The following STAT6 variants were observed in gnomAD, a reference collection of about 807,000 sequenced individuals.
STAT6 encodes signal transducer and activator of transcription 6, also known as STAT, interleukin4-induced.
In STAT6, 45 loss-of-function variants were observed where a neutral mutation model predicts 106.3. The ratio of observed to expected loss-of-function variants is 0.42; its 90% CI spans 0.33 to 0.54. STAT6 has a LOEUF of 0.54. Among genes scored for constraint, STAT6 ranks in the 20% least tolerant of loss-of-function variants. The pLI, the probability that STAT6 is intolerant of heterozygous loss-of-function variation, is 0.06. For synonymous variants in STAT6, 413 were observed against 413.6 expected (o/e 1.00, Z 0.02); for missense variants, 797 against 1,062.2 (o/e 0.75, Z 3.47).
At position 57,107,260 on chromosome 12, in the gene STAT6, G is replaced by T. The variant is rs143832217; in HGVS notation, c.310C>A (p.Gln104Lys). The T allele has an allele frequency of 3.3e-5, 53 of 1,614,042 alleles. No homozygotes were observed. Among genetic ancestry groups the T allele is most frequent in the Non-Finnish European group, 4.4e-5 (52 of 1,180,028 alleles). Residue 104 changes from glutamine (Q) to lysine (K), a missense_variant, in exon 4 of 22, where the codon CAA (glutamine) becomes AAA (lysine). Coordinates refer to ENST00000300134, the MANE Select transcript of STAT6 (RefSeq NM_003153.5). ...TCCATAACAGCTTTTTTCTCTCCTT[G>T]AAGTATTTGTCTGAAAGTGGCCACC... The part of the protein sequence containing the change: ...KLVATFRQIL[Q>K]GEKKAVMEQF...
intron 13 of STAT6, among the ~76,000 whole-genome samples, chr12:57,100,500 C>T (rs542452454): frequency 1.2e-4 from 18 of 152,136 alleles, no homozygotes; most frequent in South Asian, 8.3e-4. Flanking sequence ...GCAGAGGTGA[C>T]GCCCAAAGGA....
At chr12:57,108,083 G>C (rs2034383179) in intron 2 of STAT6, 80 bp downstream of exon 2, 1 of 928,492 alleles carries the variant, frequency 1.1e-6, no homozygotes, top group Non-Finnish European at 1.7e-6. Context: ...GAATCCATGG[G>C]TGAGGGGAGA....
chr12:57,110,128 G>A (rs1456040492), intron 1 of STAT6: 1 of 152,226 alleles, frequency 6.6e-6, no homozygotes, highest in Non-Finnish European at 1.5e-5. Flanking sequence ...AAGAGAGAAA[G>A]GTCCTCTGGA....
At chr12:57,109,007 G>A (rs2136621175) in intron 1 of STAT6, among the ~76,000 whole-genome samples, 1 of 152,220 alleles carries the variant, frequency 6.6e-6, no homozygotes, top group East Asian at 1.9e-4. Flanking sequence ...GACCATCCTG[G>A]CTAACACAGT....
intron 4 of STAT6, 144 bp from the exon 5 acceptor site, chr12:57,106,975 A>C: frequency 1.5e-6 from 2 of 1,342,108 alleles, no homozygotes; most frequent in East Asian, 2.4e-5. Context: ...AATATCGTGG[A>C]GATAAGACCT....
At position 57,096,672 on chromosome 12, in the gene STAT6, C is replaced by G; in HGVS notation, c.2444G>C (p.Gly815Ala). 6.2e-7 allele frequency: 1 copy of G among 1,604,534 alleles called. No homozygotes were observed. The highest frequency in any genetic ancestry group is 8.5e-7 in the Non-Finnish European group (1 of 1,177,022). ...GAGGGGCTGTGCCCCCAAGGACCCT[C>G]CCCCCGACTCCCCTTGCCCCTCCAG... ...LLLEGQGESGGGSLGAQPLLQ... is the reference protein window; with the variant it reads ...LLLEGQGESGAGSLGAQPLLQ... The change falls in exon 22 of 22, where the codon GGA (glycine) becomes GCA (alanine). Residue 815 changes from glycine (G) to alanine (A), a missense_variant. This residue lies in a region of STAT6 where 226 missense variants were observed against 236.7 expected (regional missense o/e 0.95). Transcript: ENST00000300134.
Position 57,096,871 on chromosome 12 carries a change from G to A in STAT6, c.2333C>T (p.Thr778Ile), listed in dbSNP as rs1565678622. 2 of 1,614,194 alleles carry A rather than the reference G, an allele frequency of 1.2e-6. No individual in the cohort carries two copies. Among genetic ancestry groups the A allele is most frequent in the Non-Finnish European group, 1.7e-6 (2 of 1,180,042 alleles). ...TCACCAAGTGCCCTGAGGAAACGCT[G>A]TCACTGGCTGGCTCAGGCAGCTGTC... is the stretch of plus-strand genomic sequence containing the variant. ...VEDSCLSQPV[T>I]AFPQGTWIGE... Residue 778 changes from threonine (T) to isoleucine (I), a missense_variant, in exon 21 of 22, where the codon ACA (threonine) becomes ATA (isoleucine). This residue lies in a region of STAT6 where 226 missense variants were observed against 236.7 expected (regional missense o/e 0.95). Coordinates refer to ENST00000300134, the MANE Select transcript of STAT6 (RefSeq NM_003153.5).
In STAT6 at chr12:57,100,076, G is replaced by A; in HGVS notation, c.1527C>T (p.Gly509=). 6.2e-7 allele frequency: 1 copy of A among 1,603,934 alleles called. No homozygotes were observed. The highest frequency in any genetic ancestry group is 8.5e-7 in the Non-Finnish European group (1 of 1,175,090). ...WSQFNKEILL[G]RGFTFWQWFD... is the part of the protein sequence containing the mutation. ...ACCACTGCCAAAAGGTGAAGCCACG[G>A]CCCAGCAGGATCTCCTAGGGGGAGA... is the stretch of plus-strand genomic sequence containing the variant. The change falls in exon 14 of 22, where the codon GGC becomes GGT. Residue 509 remains glycine (G), a synonymous_variant. Transcript: ENST00000300134.
chr12:57,098,105 A>G (rs2033567448), intron 19 of STAT6, among the ~76,000 whole-genome samples: 1 of 152,206 alleles, frequency 6.6e-6, no homozygotes, highest in Admixed American at 6.5e-5. Context: ...TGAAACTGCC[A>G]AAGACAGAAA....
chr12:57,108,139 C>G (rs750368097), intron 2 of STAT6, 24 bp downstream of exon 2: 1 of 1,449,368 alleles, frequency 6.9e-7, no homozygotes, highest in South Asian at 1.2e-5. Context: ...CTTGGGGGAC[C>G]AGCAGGGAGC....
At chr12:57,107,877 C>T (rs1277789907) in intron 2 of STAT6, 134 bp from the exon 3 acceptor site, 26 of 1,280,760 alleles carry the variant, frequency 2.0e-5, no homozygotes, top group Middle Eastern at 2.4e-4. Flanking sequence ...GTAGCTTTCA[C>T]CCATGCGCCT....
intron 9 of STAT6, 103 bp from the exon 10 acceptor site, chr12:57,104,916 T>G: frequency 1.4e-6 from 2 of 1,383,778 alleles, no homozygotes; most frequent in Non-Finnish European, 2.0e-6. Flanking sequence ...GCCCTAAATC[T>G]CCATGTCTCT....
intron 7 of STAT6, 120 bp from the exon 8 acceptor site, chr12:57,105,719 G>T (rs1592568838): frequency 1.4e-6 from 2 of 1,437,212 alleles, no homozygotes; most frequent in East Asian, 2.5e-5. Context: ...GTGGGTAGTG[G>T]GTGTGGCTGC....
intron 17 of STAT6, 42 bp from the exon 18 acceptor site, chr12:57,098,944 A>T (rs1259085890): frequency 5.6e-6 from 9 of 1,610,868 alleles, no homozygotes; most frequent in South Asian, 1.1e-5. Flanking sequence ...CCAAGGGTTG[A>T]TGCCACCCCT....
chr12:57,098,233 G>A (rs1350990152), intron 19 of STAT6, among the ~76,000 whole-genome samples: 2 of 152,156 alleles, frequency 1.3e-5, no homozygotes, highest in Non-Finnish European at 2.9e-5. Context: ...AATGCAGTGA[G>A]GTAGGTTATT....
At chr12:57,100,991 T>A in intron 13 of STAT6, 1 of 345,382 alleles carries the variant, frequency 2.9e-6, no homozygotes, top group Non-Finnish European at 6.0e-6. Flanking sequence ...GCACAGCGCC[T>A]GGCATATAAG....
intron 18 of STAT6, 97 bp from the exon 19 acceptor site, chr12:57,098,694 T>G: frequency 1.9e-6 from 3 of 1,559,380 alleles, no homozygotes; most frequent in Non-Finnish European, 2.6e-6. Context: ...AAAGGAAGAT[T>G]CCCTGTTCAG....
intron 13 of STAT6, chr12:57,100,696 GAAAGAGAAAGAAAGAAAGAAAGAAAGAA>G (rs1202200081): frequency 0.033 from 1,613 of 48,548 alleles, 9 homozygotes; most frequent in East Asian, 0.04. Context: ...AAGAAAGAAA[GAAAGAGAAAGAAAGAAAGAAAGAAAGAA>G]AGAAAGAAAG....
Position 57,096,275 on chromosome 12 carries a change from G to C in STAT6, c.*297C>G, listed in dbSNP as rs2033417534. 1 of 378,816 alleles carries C rather than the reference G, an allele frequency of 2.6e-6. No individual in the cohort carries two copies. Among genetic ancestry groups the C allele is most frequent in the African/African-American group, 2.1e-5 (1 of 47,366 alleles). The allele number at this position is 378,816 out of a possible 1,614,324, so 23.5% of individuals were successfully genotyped here. Reference sequence around the variant, plus strand: ...CACCCTCAGAGAGCTCTGTATGTGTGTGTGCGTGCGTGTGCGCGCTGCAGG... The same window carrying C: ...CACCCTCAGAGAGCTCTGTATGTGTCTGTGCGTGCGTGTGCGCGCTGCAGG... On this transcript the variant is annotated 3_prime_UTR_variant, in exon 22 of 22. Transcript: ENST00000300134.
Sources: gnomAD v4.1 joint callset for allele counts (sites outside exome capture counted in the v4.1 genomes callset) on GRCh38, gnomAD v4.1.1 for gene constraint, gnomAD v4.1.1 regional missense constraint, MANE v1.5 for transcripts, NCBI Gene and HGNC (gene_info 2026-07-23, HGNC 2026-07-21) for gene names.